SLMAP: variants seen among roughly 807,000 people sequenced by gnomAD.
The protein encoded by SLMAP is sarcolemma associated protein, also known as sarcolemmal membrane-associated protein.
A neutral mutation model predicts 128.8 loss-of-function variants in SLMAP; 44 were observed. That is an observed-to-expected ratio of 0.34 (90% CI 0.27 to 0.44). SLMAP has a LOEUF of 0.44. Among genes scored for constraint, SLMAP ranks in the 20% least tolerant of loss-of-function variants. SLMAP has a pLI of 1.00. For missense variants in SLMAP, 787 were observed against 985.3 expected (o/e 0.80, Z 2.69); for synonymous variants, 327 against 348.8 (o/e 0.94, Z 0.70).
At chr3:57,837,724 T>C (rs1332818328) in intron 3 of SLMAP, among the ~76,000 whole-genome samples, 2 of 152,192 alleles carry the variant, frequency 1.3e-5, no homozygotes, top group African/African-American at 4.8e-5. Context: ...TCAGATCCTT[T>C]TTTGTAACAC....
chr3:57,758,353 A>G (rs2077978545), intron 2 of SLMAP, among the ~76,000 whole-genome samples: 1 of 152,236 alleles, frequency 6.6e-6, no homozygotes, highest in Non-Finnish European at 1.5e-5. Flanking sequence ...GATTTTTGAA[A>G]GGTTTGATAC....
intron 2 of SLMAP, among the ~76,000 whole-genome samples, chr3:57,769,869 A>G (rs942155505): frequency 1.3e-5 from 2 of 152,168 alleles, no homozygotes; most frequent in Non-Finnish European, 2.9e-5. Context: ...TCTAGGCACA[A>G]TTTTGGTGTT....
intron 3 of SLMAP, among the ~76,000 whole-genome samples, chr3:57,836,560 A>T (rs536428726): frequency 7.4e-4 from 113 of 152,124 alleles, no homozygotes; most frequent in Admixed American, 1.6e-3. Flanking sequence ...CTGGTCTCGA[A>T]CTCCTGGCCT....
chr3:57,929,345 TACTG>T lies in SLMAP; in HGVS notation c.*2057_*2060del, dbSNP rs1352653651. On this transcript the variant is annotated 3_prime_UTR_variant, in exon 25 of 25. Transcript: ENST00000671191. ...AGTTTTATTAACCTTTTATTTAACTTACTGCTTTATTTTTTTCTCTTTTAATATG... is the reference window on the plus strand; with the variant it reads ...AGTTTTATTAACCTTTTATTTAACTTCTTTATTTTTTTCTCTTTTAATATG... 6.6e-6 allele frequency among the ~76,000 whole-genome samples: 1 copy of T among 152,236 alleles called. No individual in the cohort carries two copies. The highest frequency in any genetic ancestry group is 2.4e-5 in the African/African-American group (1 of 41,478).
chr3:57,789,998 A>G (rs266847), intron 2 of SLMAP, among the ~76,000 whole-genome samples: 96,758 of 151,868 alleles, frequency 0.64, 31,450 homozygotes, highest in East Asian at 0.98. Context: ...CACCACTCCC[A>G]ACTAATTTTT....
intron 4 of SLMAP, among the ~76,000 whole-genome samples, chr3:57,844,470 A>G (rs1315334080): frequency 6.6e-6 from 1 of 151,938 alleles, no homozygotes; most frequent in Non-Finnish European, 1.5e-5. Flanking sequence ...AACTATTTTC[A>G]TTTTCCACAT....
intron 3 of SLMAP, among the ~76,000 whole-genome samples, chr3:57,831,987 C>T (rs1329742973): frequency 6.6e-6 from 1 of 152,244 alleles, no homozygotes; most frequent in Non-Finnish European, 1.5e-5. Context: ...ATGATGGCTG[C>T]AAGCCCCAGG....
At chr3:57,831,304 G>A in intron 2 of SLMAP, 79 bp from the exon 3 acceptor site, 1 of 1,065,476 alleles carries the variant, frequency 9.4e-7, no homozygotes. Context: ...GGCAAAGCTG[G>A]AAGCATTTTT....
At chr3:57,894,809 G>T (rs1345848221) in intron 15 of SLMAP, among the ~76,000 whole-genome samples, 3 of 152,300 alleles carry the variant, frequency 2.0e-5, no homozygotes, top group Non-Finnish European at 4.4e-5. Flanking sequence ...CATAATGCAG[G>T]CATGTATTAG....
chr3:57,856,592 C>G (rs2094802759), intron 6 of SLMAP, among the ~76,000 whole-genome samples: 1 of 152,152 alleles, frequency 6.6e-6, no homozygotes, highest in Non-Finnish European at 1.5e-5. Flanking sequence ...ATGGAGCTGT[C>G]ATCTCCTGTG....
At chr3:57,829,048 G>A (rs963654345) in intron 2 of SLMAP, among the ~76,000 whole-genome samples, 4 of 152,050 alleles carry the variant, frequency 2.6e-5, no homozygotes, top group African/African-American at 9.7e-5. Flanking sequence ...CTCCCGAAGT[G>A]CTGAGATTAC....
chr3:57,925,591 G>A (rs1315318275), intron 23 of SLMAP, among the ~76,000 whole-genome samples: 1 of 152,098 alleles, frequency 6.6e-6, no homozygotes, highest in African/African-American at 2.4e-5. Flanking sequence ...GCCTCCCAAA[G>A]TGCTGGGATT....
rs1415547363 is a variant in SLMAP, at chr3:57,878,355, G to C, written c.1300+6657G>C. ...CTGTTTTGTTAATTATTTCAGAAGG[G>C]AAATAATTTTCTGGTTTGAATACCG... is the stretch of plus-strand genomic sequence containing the variant. On this transcript the variant is annotated intron_variant, in intron 14 of 24. Coordinates refer to ENST00000671191, the MANE Select transcript of SLMAP (RefSeq NM_001377540.1). 4.6e-5 allele frequency among the ~76,000 whole-genome samples: 7 copies of C among 152,250 alleles called. No individual in the cohort carries two copies. The East Asian group carries it at 1.3e-3, about 29-fold the overall frequency.
intron 22 of SLMAP, among the ~76,000 whole-genome samples, chr3:57,922,269 T>C (rs1017692988): frequency 6.6e-6 from 1 of 152,144 alleles, no homozygotes; most frequent in Non-Finnish European, 1.5e-5. Flanking sequence ...TTTCTTTTGC[T>C]CAGTTTGAAA....
rs1465045247 is a variant in SLMAP at position 57,929,251 on chromosome 3, CTT to C, written c.*1964_*1965del. On this transcript the variant is annotated 3_prime_UTR_variant, in exon 25 of 25. Coordinates refer to ENST00000671191, the MANE Select transcript of SLMAP (RefSeq NM_001377540.1). ...TTAATAGTCTTCTCTTGACATGACTCTTTATGCAACATAACATACATTTGGTA... is the reference window on the plus strand; with the variant it reads ...TTAATAGTCTTCTCTTGACATGACTCTATGCAACATAACATACATTTGGTA... 1 of 152,578 alleles carries C rather than the reference CTT, an allele frequency of 6.6e-6. No individual in the cohort carries two copies. The highest frequency in any genetic ancestry group is 2.4e-5 in the African/African-American group (1 of 41,440). 9.5% of individuals were successfully genotyped at this position (152,578 alleles called of 1,614,324 possible). A position where few individuals can be genotyped will look rare whatever the true frequency, so the allele number is the denominator to read the frequency against.
chr3:57,877,061 A>G lies in SLMAP; in HGVS notation c.1300+5363A>G, dbSNP rs1575594427. On this transcript the variant is annotated intron_variant, in intron 14 of 24. Coordinates refer to ENST00000671191, the MANE Select transcript of SLMAP (RefSeq NM_001377540.1). Reference sequence around the variant, plus strand: ...TTCTTTTTTTTTTTTAACACCTGAGATCTGAGGATGTATTCTTAATCCGTG... The same window carrying G: ...TTCTTTTTTTTTTTTAACACCTGAGGTCTGAGGATGTATTCTTAATCCGTG... Among the ~76,000 whole-genome samples, 4 of 151,582 alleles carry G rather than the reference A, an allele frequency of 2.6e-5. No individual in the cohort carries two copies. In the South Asian group the frequency reaches 8.4e-4, roughly 32 times the overall value.
At chr3:57,867,604 C>A (rs185058275) in intron 13 of SLMAP, among the ~76,000 whole-genome samples, 1 of 151,982 alleles carries the variant, frequency 6.6e-6, no homozygotes, top group Non-Finnish European at 1.5e-5. Context: ...TAGATGTACA[C>A]GAAAACTTAG....
chr3:57,840,069 C>T (rs1020003147), intron 3 of SLMAP, among the ~76,000 whole-genome samples: 1 of 152,298 alleles, frequency 6.6e-6, no homozygotes, highest in East Asian at 1.9e-4. Flanking sequence ...GATCCACCTG[C>T]CTCGGCCTCC....
chr3:57,859,654 C>T (rs77813749), intron 8 of SLMAP, among the ~76,000 whole-genome samples: 4,161 of 152,112 alleles, frequency 0.027, 93 homozygotes, highest in Non-Finnish European at 0.042. Context: ...GGAAGCTAAG[C>T]TATAGGTATG....
Sources: allele counts gnomAD v4.1 joint callset (sites outside exome capture counted in the v4.1 genomes callset), GRCh38; gene constraint gnomAD v4.1.1; transcripts MANE v1.5; gene names NCBI Gene and HGNC (gene_info 2026-07-23, HGNC 2026-07-21).